MAGI2: variants seen among roughly 807,000 people sequenced by gnomAD.
MAGI2 encodes membrane-associated guanylate kinase, WW and PDZ domain-containing protein 2.
Under a neutral mutation model 133.3 loss-of-function variants are expected in MAGI2, and 35 were observed. The ratio of observed to expected loss-of-function variants is 0.26; its 90% CI spans 0.20 to 0.35. MAGI2 has a LOEUF of 0.35. Among genes scored for constraint, MAGI2 ranks in the 10% least tolerant of loss-of-function variants. The pLI is 1.00. For synonymous variants in MAGI2, 729 were observed against 710.6 expected, an observed-to-expected ratio of 1.03 and a Z score of -0.41; for missense variants, 1,636 against 1,863.4, an observed-to-expected ratio of 0.88 and a Z score of 2.25.
chr7:78,405,518 C>T (rs1797290736), intron 6 of MAGI2, among the ~76,000 whole-genome samples: 1 of 152,022 alleles, frequency 6.6e-6, no homozygotes, highest in African/African-American at 2.4e-5. Flanking sequence ...GGAATTTTAG[C>T]TGACTCTCTT....
chr7:79,009,512 A>T (rs544370904), intron 1 of MAGI2, among the ~76,000 whole-genome samples: 1 of 152,262 alleles, frequency 6.6e-6, no homozygotes, highest in African/African-American at 2.4e-5. Flanking sequence ...GCATCTTTCA[A>T]GTCAGGCAAT....
intron 6 of MAGI2, among the ~76,000 whole-genome samples, chr7:78,395,524 G>A (rs1219511000): frequency 6.6e-6 from 1 of 152,132 alleles, no homozygotes; most frequent in African/African-American, 2.4e-5. Context: ...AGGCTGAGGG[G>A]GTAGTCTGCA....
intron 3 of MAGI2, among the ~76,000 whole-genome samples, chr7:78,588,032 A>G (rs776222223): frequency 7.2e-5 from 11 of 152,180 alleles, no homozygotes; most frequent in Admixed American, 7.2e-4. Context: ...GACTCTAGAC[A>G]AGGAATCTTT....
At chr7:79,304,203 C>CTGTGTCTG (rs1837605099) in intron 1 of MAGI2, among the ~76,000 whole-genome samples, 1 of 135,426 alleles carries the variant, frequency 7.4e-6, no homozygotes, top group African/African-American at 2.8e-5. Flanking sequence ...GTGTGTGTGT[C>CTGTGTCTG]TGTGTGTGTG....
At chr7:78,617,712 A>G (rs553754859) in intron 3 of MAGI2, 2 of 152,098 alleles carry the variant, frequency 1.3e-5, no homozygotes, top group African/African-American at 4.8e-5. Flanking sequence ...GAGGCCTCAA[A>G]GTTTCAGATA....
intron 6 of MAGI2, among the ~76,000 whole-genome samples, chr7:78,468,300 G>T (rs143993982): frequency 6.6e-6 from 1 of 152,210 alleles, no homozygotes; most frequent in East Asian, 1.9e-4. Flanking sequence ...TTTCTCAGGG[G>T]ATGCAAACTC....
chr7:78,277,103 G>A (rs1467558973), intron 9 of MAGI2, among the ~76,000 whole-genome samples: 1 of 152,048 alleles, frequency 6.6e-6, no homozygotes, highest in Non-Finnish European at 1.5e-5. Flanking sequence ...ACTTACATTA[G>A]TTTGATGTAT....
intron 2 of MAGI2, among the ~76,000 whole-genome samples, chr7:78,738,208 T>G (rs1274890318): frequency 6.6e-6 from 1 of 152,152 alleles, no homozygotes; most frequent in Non-Finnish European, 1.5e-5. Context: ...ATTTCCTCCA[T>G]GTACCTGCAA....
intron 1 of MAGI2, among the ~76,000 whole-genome samples, chr7:79,298,595 T>C (rs976320202): frequency 2.6e-5 from 4 of 152,184 alleles, no homozygotes; most frequent in African/African-American, 2.4e-5. Flanking sequence ...TATTATATGG[T>C]AGAAACTGAG....
chr7:78,389,894 A>G (rs912174237), intron 6 of MAGI2, among the ~76,000 whole-genome samples: 3 of 152,196 alleles, frequency 2.0e-5, no homozygotes, highest in Non-Finnish European at 4.4e-5. Flanking sequence ...GTTTAGTTAC[A>G]TTGCTTTTGG....
intron 3 of MAGI2, among the ~76,000 whole-genome samples, chr7:78,552,701 C>T (rs1799456392): frequency 6.6e-6 from 1 of 152,106 alleles, no homozygotes; most frequent in Non-Finnish European, 1.5e-5. Flanking sequence ...AATGGACGGA[C>T]ATAGATTACT....
intron 1 of MAGI2, among the ~76,000 whole-genome samples, chr7:79,116,197 T>G (rs561467275): frequency 6.6e-6 from 1 of 152,282 alleles, no homozygotes; most frequent in East Asian, 1.9e-4. Flanking sequence ...TATTTGGAAA[T>G]AGATATTCAG....
At chr7:78,833,882 T>C (rs1791399616) in intron 2 of MAGI2, among the ~76,000 whole-genome samples, 1 of 152,194 alleles carries the variant, frequency 6.6e-6, no homozygotes, top group Admixed American at 6.5e-5. Context: ...GGAACAATTT[T>C]GTTATCTTTG....
chr7:78,059,777 A>ATATAT lies in MAGI2; in HGVS notation c.3706+19169_3706+19170insATATA, dbSNP rs368179491. On this transcript the variant is annotated intron_variant, in intron 21 of 21. Coordinates refer to ENST00000354212, the MANE Select transcript of MAGI2 (RefSeq NM_012301.4). ...AACAATGCCATATATATATATATAT[A>ATATAT]TTTTTTTTCTGGAGTCCCTACAGCA... Among the ~76,000 whole-genome samples the ATATAT allele has an allele frequency of 1.2e-4, 17 of 146,136 alleles. No homozygotes were observed. The South Asian group carries it at 3.1e-3, about 26-fold the overall frequency.
At chr7:79,208,140 A>G (rs963327397) in intron 1 of MAGI2, among the ~76,000 whole-genome samples, 1 of 151,942 alleles carries the variant, frequency 6.6e-6, no homozygotes, top group Non-Finnish European at 1.5e-5. Context: ...AACTTTTTAA[A>G]TAGGATCCCC....
chr7:78,351,965 A>G (rs1420564793), intron 7 of MAGI2: 1 of 152,210 alleles, frequency 6.6e-6, no homozygotes, highest in African/African-American at 2.4e-5. Context: ...TAGGTATGTA[A>G]CCGTGAGCAC....
At position 79,037,644 on chromosome 7, in the gene MAGI2, A is replaced by T. The variant is rs115349856; in HGVS notation, c.302-30438T>A. ...ACTGAGAAAATGTGATAAAGCCCTA[A>T]TCATCAAATATCTAAGTCAGAGCTC... On this transcript the variant is annotated intron_variant, in intron 1 of 21. Coordinates refer to ENST00000354212, the MANE Select transcript of MAGI2 (RefSeq NM_012301.4). 3.5e-3 allele frequency among the ~76,000 whole-genome samples: 535 copies of T among 152,288 alleles called. 1 individual carries two copies. The highest frequency in any genetic ancestry group is 0.012 in the African/African-American group (502 of 41,578).
chr7:78,254,881 T>C (rs1792804228), intron 10 of MAGI2: 1 of 152,250 alleles, frequency 6.6e-6, no homozygotes, highest in Non-Finnish European at 1.5e-5. Flanking sequence ...CTTCGATGTT[T>C]ACACTCGCCA....
rs181910538 is a variant in MAGI2 at position 79,049,401 on chromosome 7, A to T, written c.302-42195T>A. Among the ~76,000 whole-genome samples, 52 of 152,314 alleles carry T rather than the reference A, an allele frequency of 3.4e-4. 1 individual carries two copies. In the Middle Eastern group the frequency reaches 0.01, roughly 30 times the overall value. Reference sequence around the variant, plus strand: ...TGTAGATGAAAGCTGGTGAGGAAATATTCAGGGAACTCTAAGAATTCTTTA... The same window carrying T: ...TGTAGATGAAAGCTGGTGAGGAAATTTTCAGGGAACTCTAAGAATTCTTTA... On this transcript the variant is annotated intron_variant, in intron 1 of 21. Coordinates refer to ENST00000354212, the MANE Select transcript of MAGI2 (RefSeq NM_012301.4).
Sources: gnomAD v4.1 joint callset for allele counts (sites outside exome capture counted in the v4.1 genomes callset) on GRCh38, gnomAD v4.1.1 for gene constraint, MANE v1.5 for transcripts, NCBI Gene and HGNC (gene_info 2026-07-23, HGNC 2026-07-21) for gene names.